Variants in CFAP54 observed in about 807,000 individuals in gnomAD.
CFAP54 encodes the protein cilia and flagella associated protein 54.
In CFAP54, 290 loss-of-function variants were observed where a neutral mutation model predicts 370.4. That is an observed-to-expected ratio of 0.78 (90% CI 0.71 to 0.86). The LOEUF (loss-of-function observed/expected upper bound fraction) is 0.86, where lower values mean the gene tolerates loss of function less well. CFAP54 is among the 40% of genes least tolerant of loss of function. CFAP54 has a pLI of 0.00. For synonymous variants in CFAP54, 1,206 were observed against 1,236.5 expected (o/e 0.98, Z 0.52); for missense variants, 3,399 against 3,528.7 (o/e 0.96, Z 0.93).
intron 66 of CFAP54, among the ~76,000 whole-genome samples, chr12:96,854,505 C>A (rs1479464892): frequency 6.6e-6 from 1 of 151,956 alleles, no homozygotes; most frequent in Non-Finnish European, 1.5e-5. Flanking sequence ...GACTAAAAAA[C>A]AACTTTAGAG....
chr12:96,526,399 G>C (rs1256931765), intron 8 of CFAP54, among the ~76,000 whole-genome samples: 2 of 152,166 alleles, frequency 1.3e-5, no homozygotes, highest in Non-Finnish European at 2.9e-5. Context: ...TTCTTTCTTA[G>C]AGTTAATTAC....
intron 19 of CFAP54, among the ~76,000 whole-genome samples, chr12:96,570,460 T>A (rs1955905502): frequency 6.6e-6 from 1 of 152,138 alleles, no homozygotes; most frequent in South Asian, 2.1e-4. Context: ...TTTAAGTGAT[T>A]TAAGGGTATT....
At position 96,747,612 on chromosome 12, in the gene CFAP54, G is replaced by C. The variant is rs909204324; in HGVS notation, c.7684+3466G>C. ...TGTGGAAAAAAAGACTAACACACAG[G>C]TTATTAGAAATAGGAAACTGCAGAG... On this transcript the variant is annotated intron_variant, in intron 55 of 67. Coordinates refer to ENST00000524981, the MANE Select transcript of CFAP54 (RefSeq NM_001306084.2). 3.3e-5 allele frequency among the ~76,000 whole-genome samples: 5 copies of C among 152,148 alleles called. No homozygotes were observed. The East Asian group carries it at 7.7e-4, about 23-fold the overall frequency.
At chr12:96,643,256 A>G (rs1001027533) in intron 32 of CFAP54, among the ~76,000 whole-genome samples, 1 of 152,228 alleles carries the variant, frequency 6.6e-6, no homozygotes, top group Non-Finnish European at 1.5e-5. Flanking sequence ...AAACTAAAAC[A>G]TATTTAGAAC....
chr12:96,544,056 G>T (rs902560526), intron 14 of CFAP54, among the ~76,000 whole-genome samples: 1 of 152,068 alleles, frequency 6.6e-6, no homozygotes, highest in Non-Finnish European at 1.5e-5. Flanking sequence ...ATGAGGGTTA[G>T]GGGCACCCAT....
intron 33 of CFAP54, among the ~76,000 whole-genome samples, chr12:96,647,471 C>CGAAAAAAAAAAAAA (rs1167008566): frequency 9.4e-5 from 1 of 10,688 alleles, no homozygotes. Flanking sequence ...AGACTCTGTC[C>CGAAAAAAAAAAAAA]CAAAAAAAAA....
At chr12:96,593,656 C>T (rs181118028) in intron 24 of CFAP54, among the ~76,000 whole-genome samples, 26 of 152,024 alleles carry the variant, frequency 1.7e-4, no homozygotes, top group Admixed American at 1.5e-3. Flanking sequence ...TTCTGGTTAC[C>T]ACTCAGACAG....
At chr12:96,702,303 A>T (rs566441466) in intron 46 of CFAP54, among the ~76,000 whole-genome samples, 1 of 152,248 alleles carries the variant, frequency 6.6e-6, no homozygotes, top group South Asian at 2.1e-4. Context: ...TTAGGTGCAG[A>T]TCATATAGGG....
At chr12:96,561,319 T>A (rs1955812951) in intron 17 of CFAP54, among the ~76,000 whole-genome samples, 1 of 152,206 alleles carries the variant, frequency 6.6e-6, no homozygotes, top group Non-Finnish European at 1.5e-5. Context: ...TCTCTCTGCC[T>A]ACTGCCATCC....
intron 60 of CFAP54, among the ~76,000 whole-genome samples, chr12:96,767,989 T>G (rs1377871969): frequency 6.6e-6 from 1 of 152,028 alleles, no homozygotes; most frequent in African/African-American, 2.4e-5. Flanking sequence ...CTTCTAGTCA[T>G]GGGCAATCAG....
Position 96,489,630 on chromosome 12 carries a change from C to A in CFAP54, c.21C>A (p.Pro7=). 1.3e-6 allele frequency: 2 copies of A among 1,526,780 alleles called. No homozygotes were observed. Among genetic ancestry groups the A allele is most frequent in the Non-Finnish European group, 1.8e-6 (2 of 1,139,524 alleles). 94.6% of individuals were successfully genotyped at this position (1,526,780 alleles called of 1,614,324 possible). Residue 7 remains proline (P), a synonymous_variant, in exon 1 of 68, where the codon CCC becomes CCA. Coordinates refer to ENST00000524981, the MANE Select transcript of CFAP54 (RefSeq NM_001306084.2). The part of the protein sequence containing the change: MAAQGS[P]SSSPSDDSTT... The stretch of plus-strand genomic sequence containing the variant: ...TCAATATGGCGGCGCAGGGCTCCCC[C>A]TCGAGCTCTCCGTCAGACGACTCTA...
At chr12:96,792,759 T>G (rs76296042) in intron 63 of CFAP54, among the ~76,000 whole-genome samples, 5,787 of 152,154 alleles carry the variant, frequency 0.038, 148 homozygotes, top group South Asian at 0.083. Context: ...ATGCTTAACT[T>G]TTTTTTGGTA....
intron 2 of CFAP54, among the ~76,000 whole-genome samples, chr12:96,502,894 C>T (rs567517453): frequency 5.9e-5 from 9 of 152,272 alleles, no homozygotes; most frequent in South Asian, 4.1e-4. Context: ...TTTATTTGTC[C>T]TGATGCAGCT....
At chr12:96,604,979 T>G (rs1956285576) in intron 26 of CFAP54, among the ~76,000 whole-genome samples, 1 of 152,234 alleles carries the variant, frequency 6.6e-6, no homozygotes, top group South Asian at 2.1e-4. Flanking sequence ...CTCCATGGGC[T>G]GCACCCACTG....
chr12:96,798,137 T>C (rs1422556130), intron 63 of CFAP54, among the ~76,000 whole-genome samples: 1 of 152,074 alleles, frequency 6.6e-6, no homozygotes, highest in African/African-American at 2.4e-5. Flanking sequence ...TTTTTATTTG[T>C]TTTTCTTGTT....
intron 36 of CFAP54, among the ~76,000 whole-genome samples, chr12:96,653,624 G>A (rs1001194819): frequency 1.3e-5 from 2 of 151,456 alleles, no homozygotes; most frequent in East Asian, 1.9e-4. Flanking sequence ...GGGCATAGAC[G>A]GAAATTTATA....
intron 39 of CFAP54, among the ~76,000 whole-genome samples, chr12:96,674,891 A>G (rs1049876932): frequency 6.6e-6 from 1 of 152,196 alleles, no homozygotes; most frequent in African/African-American, 2.4e-5. Context: ...CATATGTAGA[A>G]AGCTGAAACT....
rs1028282054 is a variant in CFAP54, at chr12:96,679,655, G to A, written c.5619G>A (p.Leu1873=). 1.9e-6 allele frequency: 3 copies of A among 1,613,630 alleles called. No individual in the cohort carries two copies. The highest frequency in any genetic ancestry group is 2.7e-5 in the African/African-American group (2 of 74,898). ...TGCCCGTGGACGTGACAGACACCTT[G>A]AGGTGTTTTAGAGAGACACTGGAAA... ...VCVPVDVTDT[L]RCFRETLEKS... Residue 1873 remains leucine, a synonymous_variant, in exon 40 of 68, where the codon TTG becomes TTA. Coordinates refer to ENST00000524981, the MANE Select transcript of CFAP54 (RefSeq NM_001306084.2).
rs1032754967 is a variant in CFAP54, at chr12:96,508,823, A to G, written c.739+1724A>G. ...GCTGAATTATATTGCAGATATCCAT[A>G]CAGGCCTGGCGATGAGCACCTGGTT... On this transcript the variant is annotated intron_variant, in intron 4 of 67. Transcript: ENST00000524981. 3.9e-5 allele frequency among the ~76,000 whole-genome samples: 6 copies of G among 151,972 alleles called. No individual in the cohort carries two copies. The South Asian group carries it at 1.0e-3, about 26-fold the overall frequency.
Sources: gnomAD v4.1 joint callset for allele counts (sites outside exome capture counted in the v4.1 genomes callset) on GRCh38, gnomAD v4.1.1 for gene constraint, MANE v1.5 for transcripts, NCBI Gene and HGNC (gene_info 2026-07-23, HGNC 2026-07-21) for gene names.